Variants in NCKAP5L observed in about 807,000 individuals in gnomAD.
The protein encoded by NCKAP5L is NCK associated protein 5 like, also known as nck-associated protein 5-like.
NCKAP5L carries 54 observed loss-of-function variants against 103.2 expected under a neutral mutation model. The observed-to-expected ratio is 0.52, with a 90% CI of 0.42 to 0.66. NCKAP5L has a LOEUF of 0.66. Ranked by LOEUF, NCKAP5L falls within the 30% of genes least tolerant of loss-of-function variation. The pLI is 0.00. For synonymous variants in NCKAP5L, 762 were observed against 748.6 expected (o/e 1.02, Z -0.29); for missense variants, 1,733 against 1,750.6 (o/e 0.99, Z 0.18).
intron 1 of NCKAP5L, among the ~76,000 whole-genome samples, chr12:49,821,423 A>C (rs900228215): frequency 6.6e-6 from 1 of 152,186 alleles, no homozygotes; most frequent in Non-Finnish European, 1.5e-5. Flanking sequence ...GACACAATAA[A>C]ACTCAAGGGG....
At chr12:49,816,480 AG>A (rs1946297468) in intron 1 of NCKAP5L, among the ~76,000 whole-genome samples, 1 of 130,798 alleles carries the variant, frequency 7.6e-6, no homozygotes, top group Admixed American at 8.1e-5. Flanking sequence ...ACCCTTTCAA[AG>A]TTCTCAACCC....
intron 1 of NCKAP5L, among the ~76,000 whole-genome samples, chr12:49,823,279 G>A (rs1234265092): frequency 3.3e-5 from 5 of 152,108 alleles, no homozygotes; most frequent in Non-Finnish European, 7.4e-5. Flanking sequence ...AATGACCCTG[G>A]AAGTGCCTGG....
rs1422051178 is a variant in NCKAP5L at position 49,792,072 on chromosome 12, C to T, written c.3793-21G>A. 21 of 1,503,196 alleles carry T rather than the reference C, an allele frequency of 1.4e-5. No homozygotes were observed. The South Asian group carries it at 2.3e-4, about 16-fold the overall frequency. 93.1% of individuals were successfully genotyped at this position (1,503,196 alleles called of 1,614,324 possible). On this transcript the variant is annotated intron_variant, in intron 12 of 12. Coordinates refer to ENST00000335999, the MANE Select transcript of NCKAP5L (RefSeq NM_001037806.4). This position sits in a 1 kb window ranked among gnomAD's most constrained non-coding sequence, Gnocchi z 4.5. ...AGGGCCTGGGAAAGGAGGGGCAGCT[C>T]GGGAGGAAGCTCCTCTCCACCTTTC... is the stretch of plus-strand genomic sequence containing the variant.
In NCKAP5L at chr12:49,795,735, C is replaced by T; in HGVS notation, c.2125G>A (p.Val709Met). The change falls in exon 8 of 13, where the codon GTG becomes ATG. Residue 709 changes from valine to methionine, a missense_variant. Transcript: ENST00000335999. ...GKSGESAGDM[V>M]PSIHRPLEQL... The stretch of plus-strand genomic sequence containing the variant: ...TCCAGTGGCCTGTGGATGGAGGGCA[C>T]CATGTCTCCAGCACTCTCCCCTGAC... The T allele has an allele frequency of 6.2e-7, 1 of 1,604,006 alleles. No homozygotes were observed. Among genetic ancestry groups the T allele is most frequent in the Non-Finnish European group, 8.5e-7 (1 of 1,175,624 alleles).
In NCKAP5L at chr12:49,796,176, G is replaced by A; in HGVS notation, c.1684C>T (p.Leu562Phe). 2 of 1,608,480 alleles carry A rather than the reference G, an allele frequency of 1.2e-6. No individual in the cohort carries two copies. The highest frequency in any genetic ancestry group is 8.5e-7 in the Non-Finnish European group (1 of 1,177,746). Residue 562 changes from leucine (L) to phenylalanine (F), a missense_variant, in exon 8 of 13, where the codon CTT (leucine) becomes TTT (phenylalanine). Physicochemically the swap from Leu to Phe is conservative, Grantham distance 22 (BLOSUM62 0). Transcript: ENST00000335999. ...GGCCCCCTAAAGGTGCTCCGAGAAA[G>A]GTCCAGAATGTTCTCATAGCAGGGA... is the stretch of plus-strand genomic sequence containing the variant. Reference protein sequence around the residue: ...VSPCYENILDLSRSTFRGPSP... With the variant: ...VSPCYENILDFSRSTFRGPSP...
chr12:49,798,599 T>A (rs1946086095), intron 6 of NCKAP5L, 136 bp from the exon 7 acceptor site: 1 of 735,770 alleles, frequency 1.4e-6, no homozygotes, highest in African/African-American at 1.8e-5. Context: ...ATGCAGCTCT[T>A]GCTGCTGCCC....
chr12:49,822,285 G>T (rs1198689644), intron 1 of NCKAP5L, among the ~76,000 whole-genome samples: 3 of 152,062 alleles, frequency 2.0e-5, no homozygotes, highest in Non-Finnish European at 2.9e-5. Flanking sequence ...CTAGTTTATG[G>T]TATGTTGTTA....
intron 6 of NCKAP5L, among the ~76,000 whole-genome samples, chr12:49,801,158 C>G (rs567527749): frequency 6.6e-6 from 1 of 152,182 alleles, no homozygotes; most frequent in African/African-American, 2.4e-5. Flanking sequence ...AACACGCACA[C>G]CCCCCTCCCC....
Position 49,797,338 on chromosome 12 carries a change from G to C in NCKAP5L, c.522C>G (p.Pro174=). The change falls in exon 8 of 13, where the codon CCC becomes CCG. Residue 174 remains proline (P), a synonymous_variant. Coordinates refer to ENST00000335999, the MANE Select transcript of NCKAP5L (RefSeq NM_001037806.4). The surrounding 1 kb of genome is among the most constrained non-coding windows in gnomAD (Gnocchi z 4.5). ...PGGPGPPAAP[P]PALDALSPFL... Reference sequence around the variant, plus strand: ...ACGGGGATAGGGCATCCAGCGCTGGGGGTGGGGCGGCTGGGGGGCCTGGGC... The same window carrying C: ...ACGGGGATAGGGCATCCAGCGCTGGCGGTGGGGCGGCTGGGGGGCCTGGGC... 1 of 1,612,352 alleles carries C rather than the reference G, an allele frequency of 6.2e-7. No individual in the cohort carries two copies. The highest frequency in any genetic ancestry group is 8.5e-7 in the Non-Finnish European group (1 of 1,179,622).
At chr12:49,803,362 G>C (rs1946142420) in intron 3 of NCKAP5L, among the ~76,000 whole-genome samples, 197 bp from the exon 4 acceptor site, 1 of 152,210 alleles carries the variant, frequency 6.6e-6, no homozygotes, top group South Asian at 2.1e-4. Context: ...GGGCTGACCT[G>C]GGATGGTTTT....
chr12:49,817,036 T>C (rs1946306451), intron 1 of NCKAP5L, among the ~76,000 whole-genome samples: 1 of 152,108 alleles, frequency 6.6e-6, no homozygotes, highest in South Asian at 2.1e-4. Flanking sequence ...CCTTTCTATA[T>C]GTTAACAACG....
At chr12:49,814,220 C>T (rs770768910) in intron 1 of NCKAP5L, among the ~76,000 whole-genome samples, 169 of 149,466 alleles carry the variant, frequency 1.1e-3, no homozygotes, top group Non-Finnish European at 1.9e-3. Context: ...TGTGGTGGCT[C>T]AAGCCTGTAA....
intron 1 of NCKAP5L, among the ~76,000 whole-genome samples, chr12:49,812,643 G>A (rs1158733288): frequency 6.6e-6 from 1 of 152,122 alleles, no homozygotes; most frequent in Non-Finnish European, 1.5e-5. Flanking sequence ...GCCTCCCAAA[G>A]TGCTGGGATT....
intron 1 of NCKAP5L, among the ~76,000 whole-genome samples, chr12:49,826,436 G>A (rs1054914153): frequency 1.3e-5 from 2 of 152,146 alleles, no homozygotes; most frequent in Non-Finnish European, 2.9e-5. Context: ...AGGGGTGTGT[G>A]GGACAAGGTC....
Position 49,793,417 on chromosome 12 carries a change from C to T in NCKAP5L, c.3275G>A (p.Gly1092Glu). The T allele has an allele frequency of 6.2e-7, 1 of 1,609,628 alleles. No individual in the cohort carries two copies. Among genetic ancestry groups the T allele is most frequent in the Non-Finnish European group, 8.5e-7 (1 of 1,179,794 alleles). Reference sequence around the variant, plus strand: ...CTCCGAGGGCATCTCTTCCCGCCTCCCTGGCTCGCTGCTCGGCTGTGTGGG... The same window carrying T: ...CTCCGAGGGCATCTCTTCCCGCCTCTCTGGCTCGCTGCTCGGCTGTGTGGG... ...KPPGKPSSEP[G>E]RREEMPSEDS... Residue 1092 changes from glycine to glutamate, a missense_variant, in exon 10 of 13, where the codon GGG (glycine) becomes GAG (glutamate). Coordinates refer to ENST00000335999, the MANE Select transcript of NCKAP5L (RefSeq NM_001037806.4).
intron 2 of NCKAP5L, chr12:49,805,141 T>A (rs1946165691): frequency 6.6e-6 from 1 of 152,514 alleles, no homozygotes; most frequent in African/African-American, 2.4e-5. Context: ...TCCCTATTCA[T>A]CCTTCAGGGC....
chr12:49,791,415 C>T lies in NCKAP5L; in HGVS notation c.*424G>A, dbSNP rs964186508. ...AACTTGTCCCCCTGGCCCCCAAACT[C>T]CACCAGCACGGGGGCCTCCAGGAGG... On this transcript the variant is annotated 3_prime_UTR_variant, in exon 13 of 13. Transcript: ENST00000335999. 1 of 160,754 alleles carries T rather than the reference C, an allele frequency of 6.2e-6. No homozygotes were observed. Among genetic ancestry groups the T allele is most frequent in the African/African-American group, 2.4e-5 (1 of 41,734 alleles). 10.0% of individuals were successfully genotyped at this position (160,754 alleles called of 1,614,324 possible).
rs545889076 is a variant in NCKAP5L, at chr12:49,794,711, G to A, written c.3095+54C>T. On this transcript the variant is annotated intron_variant, in intron 8 of 12. Transcript: ENST00000335999. ...CTCCAGACGCAGGTGTGCCCACGAA[G>A]GGAAAAGTGCCCCAAGCCCACCAAG... The A allele has an allele frequency of 4.4e-6, 6 of 1,367,228 alleles. No homozygotes were observed. The African/African-American group carries it at 6.0e-5, about 14-fold the overall frequency. The allele number at this position is 1,367,228 out of a possible 1,614,324, so 84.7% of individuals were successfully genotyped here.
chr12:49,827,408 G>T (rs543360067), intron 1 of NCKAP5L, among the ~76,000 whole-genome samples: 1 of 152,238 alleles, frequency 6.6e-6, no homozygotes, highest in Non-Finnish European at 1.5e-5. Context: ...AGCTGATCCA[G>T]CCCTGGGATG....
Sources: allele counts gnomAD v4.1 joint callset (sites outside exome capture counted in the v4.1 genomes callset), GRCh38; gene constraint gnomAD v4.1.1; non-coding constraint Gnocchi (gnomAD v3.1); transcripts MANE v1.5; gene names NCBI Gene and HGNC (gene_info 2026-07-23, HGNC 2026-07-21).